The following SRBD1 variants were observed in gnomAD, a reference collection of about 807,000 sequenced individuals.
SRBD1 encodes the protein S1 RNA binding domain 1.
In SRBD1, 88 loss-of-function variants were observed where a neutral mutation model predicts 115.3. The observed-to-expected ratio is 0.76, with a 90% CI of 0.64 to 0.91. SRBD1 has a LOEUF of 0.91. SRBD1 is among the 40% of genes least tolerant of loss of function. The pLI, the probability that SRBD1 is intolerant of heterozygous loss-of-function variation, is 0.00. For missense variants in SRBD1, 1,385 were observed against 1,177.4 expected, an observed-to-expected ratio of 1.18 and a Z score of -2.58; for synonymous variants, 509 against 407.7, an observed-to-expected ratio of 1.25 and a Z score of -2.99.
intron 12 of SRBD1, among the ~76,000 whole-genome samples, chr2:45,550,253 T>G (rs117272488): frequency 3.3e-5 from 5 of 152,038 alleles, no homozygotes; most frequent in Non-Finnish European, 5.9e-5. Flanking sequence ...AGGTATAATA[T>G]GTATGTAATT....
chr2:45,470,572 C>A (rs1017998799), intron 16 of SRBD1, among the ~76,000 whole-genome samples: 2 of 152,002 alleles, frequency 1.3e-5, no homozygotes, highest in Admixed American at 6.6e-5. Context: ...ATGAAAGTAC[C>A]GAAAACACAG....
At chr2:45,393,624 C>T (rs1015272508) in intron 19 of SRBD1, among the ~76,000 whole-genome samples, 1 of 152,210 alleles carries the variant, frequency 6.6e-6, no homozygotes, top group Non-Finnish European at 1.5e-5. Context: ...TCGTGATCTG[C>T]CTGCCTTGGC....
rs558916817 is a variant in SRBD1 at position 45,478,024 on chromosome 2, A to G, written c.1967-949T>C. Among the ~76,000 whole-genome samples the G allele has an allele frequency of 2.6e-5, 4 of 151,364 alleles. No homozygotes were observed. The East Asian group carries it at 7.7e-4, about 29-fold the overall frequency. On this transcript the variant is annotated intron_variant, in intron 15 of 20. Transcript: ENST00000263736. ...ACATCTAATTTCGTTTATAAGATAG[A>G]TTTAGCTAGAAAAAAAAGATAACTA...
intron 9 of SRBD1, among the ~76,000 whole-genome samples, chr2:45,563,831 C>T (rs189058199): frequency 8.5e-5 from 13 of 152,146 alleles, no homozygotes; most frequent in Admixed American, 2.0e-4. Context: ...AAATAAATGT[C>T]CAGGCCCAGA....
intron 4 of SRBD1, 133 bp from the exon 5 acceptor site, chr2:45,585,907 A>G: frequency 1.5e-6 from 1 of 670,414 alleles, no homozygotes; most frequent in Non-Finnish European, 2.3e-6. Flanking sequence ...TTTAAAAAAA[A>G]GAAAGCCATA....
At chr2:45,498,698 C>G (rs1670535165) in intron 14 of SRBD1, among the ~76,000 whole-genome samples, 3 of 152,134 alleles carry the variant, frequency 2.0e-5, no homozygotes, top group Non-Finnish European at 4.4e-5. Context: ...CTCTCTGTCT[C>G]CATGAGGTCA....
chr2:45,561,840 ATAAATT>A (rs758717216), intron 10 of SRBD1, among the ~76,000 whole-genome samples: 1 of 152,246 alleles, frequency 6.6e-6, no homozygotes, highest in Non-Finnish European at 1.5e-5. Flanking sequence ...AAAATATCTA[ATAAATT>A]TAATGTTTCT....
At chr2:45,532,449 G>C (rs1671642147) in intron 14 of SRBD1, among the ~76,000 whole-genome samples, 1 of 151,732 alleles carries the variant, frequency 6.6e-6, no homozygotes, top group East Asian at 1.9e-4. Context: ...CAGCACTGTA[G>C]GTACCTGATG....
At chr2:45,552,424 A>C (rs1175894004) in intron 11 of SRBD1, among the ~76,000 whole-genome samples, 1 of 152,234 alleles carries the variant, frequency 6.6e-6, no homozygotes, top group Non-Finnish European at 1.5e-5. Context: ...TTATACATTA[A>C]ATGATCCCAC....
At chr2:45,513,240 T>C (rs1220694032) in intron 14 of SRBD1, among the ~76,000 whole-genome samples, 2 of 152,154 alleles carry the variant, frequency 1.3e-5, no homozygotes, top group African/African-American at 4.8e-5. Context: ...TTCTTCATCA[T>C]ACGAAACTGT....
At chr2:45,512,978 A>T (rs571555055) in intron 14 of SRBD1, among the ~76,000 whole-genome samples, 111 of 152,276 alleles carry the variant, frequency 7.3e-4, no homozygotes, top group African/African-American at 2.6e-3. Flanking sequence ...CACACAATAA[A>T]CACACAAATT....
At chr2:45,461,681 A>C (rs1484552528) in intron 16 of SRBD1, among the ~76,000 whole-genome samples, 2 of 151,914 alleles carry the variant, frequency 1.3e-5, no homozygotes, top group African/African-American at 4.9e-5. Context: ...TTTAAATCTC[A>C]GAGATTCTCT....
intron 18 of SRBD1, among the ~76,000 whole-genome samples, chr2:45,414,171 C>T (rs1218346958): frequency 1.3e-5 from 2 of 152,046 alleles, no homozygotes; most frequent in African/African-American, 2.4e-5. Context: ...AATTTAGAAT[C>T]GCATACCTAG....
intron 18 of SRBD1, among the ~76,000 whole-genome samples, chr2:45,414,538 C>T (rs931708903): frequency 7.0e-6 from 1 of 143,180 alleles, no homozygotes; most frequent in South Asian, 2.2e-4. Flanking sequence ...AGTGTGTGTA[C>T]ACACATAGTG....
intron 14 of SRBD1, among the ~76,000 whole-genome samples, chr2:45,495,359 G>A (rs2103875784): frequency 6.6e-6 from 1 of 152,248 alleles, no homozygotes; most frequent in African/African-American, 2.4e-5. Flanking sequence ...CAAAAAAGAT[G>A]GAAAGTTTGT....
chr2:45,476,152 A>G (rs1310183351), intron 16 of SRBD1, among the ~76,000 whole-genome samples: 1 of 152,198 alleles, frequency 6.6e-6, no homozygotes, highest in African/African-American at 2.4e-5. Flanking sequence ...TTGAATCTCA[A>G]TATATGACAG....
At chr2:45,513,228 C>A (rs1321824407) in intron 14 of SRBD1, among the ~76,000 whole-genome samples, 2 of 152,156 alleles carry the variant, frequency 1.3e-5, no homozygotes, top group African/African-American at 4.8e-5. Flanking sequence ...TCTTTCCCCA[C>A]ATTCTTCATC....
At chr2:45,402,376 G>T (rs114153997) in intron 19 of SRBD1, among the ~76,000 whole-genome samples, 209 of 152,136 alleles carry the variant, frequency 1.4e-3, no homozygotes, top group African/African-American at 4.8e-3. Flanking sequence ...TTACATTGAC[G>T]GCTGTCTACT....
intron 16 of SRBD1, among the ~76,000 whole-genome samples, chr2:45,466,028 G>C (rs1484489617): frequency 1.3e-5 from 2 of 152,166 alleles, no homozygotes; most frequent in Non-Finnish European, 2.9e-5. Context: ...CCATGTGCCA[G>C]GTCCTGGGAG....
Sources: allele counts gnomAD v4.1 joint callset (sites outside exome capture counted in the v4.1 genomes callset), GRCh38; gene constraint gnomAD v4.1.1; transcripts MANE v1.5; gene names NCBI Gene and HGNC (gene_info 2026-07-23, HGNC 2026-07-21).